The following FREM3 variants were observed in gnomAD, a reference collection of about 807,000 sequenced individuals.
The protein encoded by FREM3 is FRAS1-related extracellular matrix protein 3.
Under a neutral mutation model 129.1 loss-of-function variants are expected in FREM3, and 105 were observed. That is an observed-to-expected ratio of 0.81 (90% CI 0.69 to 0.96). The LOEUF (loss-of-function observed/expected upper bound fraction) is 0.96. FREM3 is among the 40% of genes least tolerant of loss of function. The pLI is 0.00. For synonymous variants in FREM3, 1,014 were observed against 1,044.9 expected (o/e 0.97, Z 0.57); for missense variants, 2,593 against 2,666.3 (o/e 0.97, Z 0.61).
chr4:143,583,870 A>C (rs1738190380), intron 7 of FREM3, among the ~76,000 whole-genome samples: 1 of 152,198 alleles, frequency 6.6e-6, no homozygotes, highest in Admixed American at 6.5e-5. Context: ...AAGTACATAG[A>C]CCATTGACAC....
intron 2 of FREM3, among the ~76,000 whole-genome samples, chr4:143,655,751 A>G (rs1739589009): frequency 6.6e-6 from 1 of 152,220 alleles, no homozygotes; most frequent in African/African-American, 2.4e-5. Context: ...CCCTAAGAGC[A>G]AATCGGAGTG....
At chr4:143,669,408 C>T (rs534439031) in intron 2 of FREM3, among the ~76,000 whole-genome samples, 123 of 152,186 alleles carry the variant, frequency 8.1e-4, no homozygotes, top group South Asian at 4.2e-3. Context: ...TGAGTAGTAG[C>T]TTGGACTACA....
chr4:143,672,092 G>A (rs996079574), intron 2 of FREM3, among the ~76,000 whole-genome samples: 2 of 152,164 alleles, frequency 1.3e-5, no homozygotes, highest in African/African-American at 4.8e-5. Context: ...AGCTAGAAAT[G>A]TGTACTCAGA....
chr4:143,620,418 G>A (rs183325173), intron 5 of FREM3, among the ~76,000 whole-genome samples: 248 of 152,254 alleles, frequency 1.6e-3, no homozygotes, highest in Admixed American at 7.2e-3. Flanking sequence ...ATTTGTTTCC[G>A]TAATTTTCGT....
In FREM3 at chr4:143,697,856, G is replaced by A. The variant is rs1227680484; in HGVS notation, c.2820C>T (p.Asn940=). The A allele has an allele frequency of 2.0e-6, 3 of 1,537,828 alleles. No homozygotes were observed. In the East Asian group the frequency reaches 7.3e-5, roughly 38 times the overall value. Residue 940 remains asparagine, a synonymous_variant, in exon 1 of 8, where the codon AAC becomes AAT. Coordinates refer to ENST00000329798, the MANE Select transcript of FREM3 (RefSeq NM_001168235.2). ...TTCTGAGAGAGATCCTAGGACTTCT[G>A]TTAGCCACATTGGGATGCACAGAAA... ...IPISVHPNVA[N]RSPRISLRSS... is the part of the protein sequence containing the mutation.
Position 143,699,874 on chromosome 4 carries a change from T to C in FREM3, c.802A>G (p.Met268Val), listed in dbSNP as rs1403557442. Reference protein sequence around the residue: ...SSPNRDYVPMMVELLGPEGQD... With the variant: ...SSPNRDYVPMVVELLGPEGQD... Reference sequence around the variant, plus strand: ...CCCTCAGGCCCCAGCAGCTCCACCATCATGGGCACGTAGTCACGGTTGGGC... The same window carrying C: ...CCCTCAGGCCCCAGCAGCTCCACCACCATGGGCACGTAGTCACGGTTGGGC... Residue 268 changes from methionine (M) to valine (V), a missense_variant, in exon 1 of 8, where the codon ATG becomes GTG. This residue lies in a region of FREM3 where 2,276 missense variants were observed against 2,267.2 expected (regional missense o/e 1.00). Transcript: ENST00000329798. The surrounding 1 kb of genome is among the most constrained non-coding windows in gnomAD (Gnocchi z 4.2). 6.5e-7 allele frequency: 1 copy of C among 1,536,680 alleles called. No homozygotes were observed. Among genetic ancestry groups the C allele is most frequent in the Non-Finnish European group, 8.7e-7 (1 of 1,146,858 alleles).
Position 143,595,889 on chromosome 4 carries a change from G to GA in FREM3, c.6029-9897dup, listed in dbSNP as rs70953742. Among the ~76,000 whole-genome samples the GA allele has an allele frequency of 3.7e-3, 409 of 110,614 alleles. 7 individuals are homozygous for GA. In the East Asian group the frequency reaches 0.061, roughly 17 times the overall value. 72.6% of individuals were successfully genotyped at this position (110,614 alleles called of 152,430 possible). A position where few individuals can be genotyped will look rare whatever the true frequency, so the allele number is the denominator to read the frequency against. ...GGCGACAGAGCGAGACGCCATCTCA[G>GA]AAAAAAAAAAAAAAAGAAGGAACTG... On this transcript the variant is annotated intron_variant, in intron 6 of 7. Coordinates refer to ENST00000329798, the MANE Select transcript of FREM3 (RefSeq NM_001168235.2).
chr4:143,665,453 C>T (rs1244148645), intron 2 of FREM3, among the ~76,000 whole-genome samples: 2 of 152,008 alleles, frequency 1.3e-5, no homozygotes, highest in Admixed American at 6.6e-5. Context: ...ATAGGAGGTA[C>T]TTAATAAGTA....
intron 2 of FREM3, among the ~76,000 whole-genome samples, chr4:143,648,918 C>T (rs1028849798): frequency 2.0e-5 from 3 of 152,126 alleles, no homozygotes; most frequent in Admixed American, 2.0e-4. Flanking sequence ...TGCACCACCA[C>T]ACCCAGCTAA....
intron 6 of FREM3, among the ~76,000 whole-genome samples, chr4:143,609,279 T>G (rs1184612021): frequency 2.6e-5 from 4 of 152,168 alleles, no homozygotes; most frequent in Non-Finnish European, 5.9e-5. Context: ...TATTACTAGC[T>G]CCAGTAGAGA....
chr4:143,601,040 A>G (rs945921826), intron 6 of FREM3, among the ~76,000 whole-genome samples: 1 of 151,690 alleles, frequency 6.6e-6, no homozygotes, highest in Non-Finnish European at 1.5e-5. Flanking sequence ...AAAAAATAAG[A>G]TCCAAAATTA....
At chr4:143,613,878 A>G (rs1478672781) in intron 5 of FREM3, among the ~76,000 whole-genome samples, 1 of 152,200 alleles carries the variant, frequency 6.6e-6, no homozygotes, top group Admixed American at 6.5e-5. Flanking sequence ...AAATATAACT[A>G]TCTGTATTAA....
chr4:143,686,005 A>G (rs1354447009), intron 2 of FREM3, among the ~76,000 whole-genome samples: 4 of 151,404 alleles, frequency 2.6e-5, no homozygotes. Context: ...AACTTAAATT[A>G]TATATATATA....
Position 143,695,515 on chromosome 4 carries a change from G to A in FREM3, c.5161C>T (p.Gln1721Ter), listed in dbSNP as rs1429787456. The A allele has an allele frequency of 2.0e-6, 3 of 1,537,452 alleles. No individual in the cohort carries two copies. The highest frequency in any genetic ancestry group is 2.6e-6 in the Non-Finnish European group (3 of 1,146,902). ...GFIIKTGLGN[Q>*]STRVFTQADI... is the part of the protein sequence containing the mutation. ...CCTTGTGTAAACACTCGAGTGCTCT[G>A]GTTTCCAAGGCCAGTTTTGATAATG... Residue 1721 changes from glutamine (Q) to a stop codon, truncating the protein, a stop_gained, in exon 1 of 8, where the codon CAG becomes TAG. Coordinates refer to ENST00000329798, the MANE Select transcript of FREM3 (RefSeq NM_001168235.2). LOFTEE classifies it high-confidence loss of function.
chr4:143,625,436 C>T (rs376589742), intron 3 of FREM3, among the ~76,000 whole-genome samples: 26 of 152,244 alleles, frequency 1.7e-4, no homozygotes, highest in South Asian at 4.2e-4. Context: ...AAAAGATACC[C>T]GAAGCTATAG....
chr4:143,697,807 T>C lies in FREM3; in HGVS notation c.2869A>G (p.Ile957Val), dbSNP rs549707311. The change falls in exon 1 of 8, where the codon ATA (isoleucine) becomes GTA (valine). Residue 957 changes from isoleucine to valine, a missense_variant. Coordinates refer to ENST00000329798, the MANE Select transcript of FREM3 (RefSeq NM_001168235.2). ...GTGGCTTTATTCTCTAGTACGTCTA[T>C]AGAAACATCCAATAATGAACTACTT... The part of the protein sequence containing the change: ...LRSSSLLDVS[I>V]DVLENKATEI... The C allele has an allele frequency of 6.5e-7, 1 of 1,537,608 alleles. No individual in the cohort carries two copies. The highest frequency in any genetic ancestry group is 8.7e-7 in the Non-Finnish European group (1 of 1,146,956).
intron 2 of FREM3, among the ~76,000 whole-genome samples, chr4:143,637,099 G>A (rs758782219): frequency 1.3e-5 from 2 of 152,132 alleles, no homozygotes; most frequent in Non-Finnish European, 2.9e-5. Flanking sequence ...CATTCATCAT[G>A]CATTTGGAAA....
intron 6 of FREM3, among the ~76,000 whole-genome samples, chr4:143,602,143 T>C (rs900335222): frequency 5.3e-5 from 8 of 152,194 alleles, no homozygotes; most frequent in African/African-American, 1.9e-4. Context: ...TGTAAAATCC[T>C]AACCCTGGGA....
At chr4:143,593,309 C>G (rs372435752) in intron 6 of FREM3, among the ~76,000 whole-genome samples, 1 of 152,188 alleles carries the variant, frequency 6.6e-6, no homozygotes, top group Non-Finnish European at 1.5e-5. Flanking sequence ...AGGAGAGGTG[C>G]TCTGATTTTT....
Sources: gnomAD v4.1 joint callset for allele counts (sites outside exome capture counted in the v4.1 genomes callset) on GRCh38, gnomAD v4.1.1 for gene constraint, gnomAD v4.1.1 regional missense constraint, Gnocchi (gnomAD v3.1) non-coding constraint, MANE v1.5 for transcripts, NCBI Gene and HGNC (gene_info 2026-07-23, HGNC 2026-07-21) for gene names.